Variants in MAF observed in about 807,000 individuals in gnomAD.
The protein encoded by MAF is MAF bZIP transcription factor.
Under a neutral mutation model 22.0 loss-of-function variants are expected in MAF, and 10 were observed. The observed-to-expected ratio is 0.45, with a 90% CI of 0.28 to 0.77. MAF has a LOEUF of 0.77. MAF is among the 30% of genes least tolerant of loss of function. The pLI is 0.12. For missense variants in MAF, 544 were observed against 548.4 expected (o/e 0.99, Z 0.08); for synonymous variants, 337 against 255.8 (o/e 1.32, Z -3.03).
the MAF span, among the ~76,000 whole-genome samples, chr16:79,221,022 G>A: frequency 2.0e-5 from 3 of 152,244 alleles, no homozygotes; most frequent in Non-Finnish European, 4.4e-5. Flanking sequence ...GCTGAATGCG[G>A]AAAGCAGAAA....
chr16:79,357,747 A>T, the MAF span, among the ~76,000 whole-genome samples: 2 of 151,504 alleles, frequency 1.3e-5, no homozygotes, highest in African/African-American at 4.9e-5. Context: ...TAGCATTTGG[A>T]TGAGGGAATG....
At chr16:79,582,907 A>AAGACC (rs1295346529), downstream of MAF, among the ~76,000 whole-genome samples, 8 of 152,238 alleles carry the variant, frequency 5.3e-5, no homozygotes. Flanking sequence ...AGATGGGGTC[A>AAGACC]AGACCAGCCA....
the MAF span, among the ~76,000 whole-genome samples, chr16:79,311,370 C>T: frequency 6.6e-6 from 1 of 151,976 alleles, no homozygotes; most frequent in African/African-American, 2.4e-5. Context: ...AAGCATCTGT[C>T]CAGCAGCCTT....
the MAF span, among the ~76,000 whole-genome samples, chr16:79,522,011 T>C: frequency 1.3e-4 from 20 of 151,858 alleles, no homozygotes; most frequent in African/African-American, 4.6e-4. Context: ...TGCAAGAAAA[T>C]GGAGTCACTG....
chr16:79,503,322 A>T, the MAF span, among the ~76,000 whole-genome samples: 1 of 152,198 alleles, frequency 6.6e-6, no homozygotes, highest in Non-Finnish European at 1.5e-5. Context: ...TACTAGCCAC[A>T]ACCACAAAGC....
the MAF span, among the ~76,000 whole-genome samples, chr16:79,300,832 C>T: frequency 6.6e-6 from 1 of 151,436 alleles, no homozygotes; most frequent in Non-Finnish European, 1.5e-5. Flanking sequence ...AGAGATTATT[C>T]AGAAGTCCAT....
At chr16:79,308,790 A>T in the MAF span, among the ~76,000 whole-genome samples, 1 of 152,166 alleles carries the variant, frequency 6.6e-6, no homozygotes, top group African/African-American at 2.4e-5. Context: ...AAAGTGGCAG[A>T]TCTAGGCACA....
the MAF span, among the ~76,000 whole-genome samples, chr16:79,429,032 G>A: frequency 6.6e-6 from 1 of 152,062 alleles, no homozygotes; most frequent in Non-Finnish European, 1.5e-5. Context: ...CCTTGGGCAA[G>A]CATGAGGCTA....
chr16:79,572,941 A>C, the MAF span, among the ~76,000 whole-genome samples: 1 of 152,236 alleles, frequency 6.6e-6, no homozygotes, highest in Non-Finnish European at 1.5e-5. Flanking sequence ...TACCCAATTT[A>C]AATGCTCACA....
At chr16:79,245,170 G>A in the MAF span, among the ~76,000 whole-genome samples, 1 of 151,994 alleles carries the variant, frequency 6.6e-6, no homozygotes, top group Non-Finnish European at 1.5e-5. Flanking sequence ...AAGACTTCAT[G>A]ATTAAAACAC....
the MAF span, among the ~76,000 whole-genome samples, chr16:79,482,541 G>C: frequency 6.6e-6 from 1 of 152,144 alleles, no homozygotes; most frequent in East Asian, 1.9e-4. Flanking sequence ...TGATGAGGAA[G>C]TCTCCAGTCC....
chr16:79,209,092 T>A, the MAF span, among the ~76,000 whole-genome samples: 46 of 152,294 alleles, frequency 3.0e-4, no homozygotes, highest in Non-Finnish European at 5.9e-4. Flanking sequence ...AGATGGTAAA[T>A]CACCCCAAGC....
chr16:79,493,736 A>C, the MAF span, among the ~76,000 whole-genome samples: 1 of 152,254 alleles, frequency 6.6e-6, no homozygotes, highest in Non-Finnish European at 1.5e-5. Context: ...TTGCATTATG[A>C]GTATGTGCAT....
At chr16:79,415,155 C>G in the MAF span, among the ~76,000 whole-genome samples, 1 of 152,058 alleles carries the variant, frequency 6.6e-6, no homozygotes, top group Non-Finnish European at 1.5e-5. Context: ...CGGATGAGCT[C>G]ACCCAAACAT....
At chr16:79,532,768 G>C in the MAF span, among the ~76,000 whole-genome samples, 7 of 152,158 alleles carry the variant, frequency 4.6e-5, no homozygotes, top group African/African-American at 1.2e-4. Flanking sequence ...CTAGAAGATA[G>C]ATAAAAATAA....
At chr16:79,580,755 T>C in the MAF span, among the ~76,000 whole-genome samples, 1 of 152,098 alleles carries the variant, frequency 6.6e-6, no homozygotes, top group South Asian at 2.1e-4. Context: ...ATGTAGCCTG[T>C]GCACTTTTCA....
At chr16:79,357,906 C>G in the MAF span, among the ~76,000 whole-genome samples, 82 of 152,222 alleles carry the variant, frequency 5.4e-4, no homozygotes, top group Non-Finnish European at 8.5e-4. Flanking sequence ...GCCAGCATCT[C>G]AGGGGCTAAC....
chr16:79,377,880 G>T, the MAF span, among the ~76,000 whole-genome samples: 5 of 152,036 alleles, frequency 3.3e-5, no homozygotes, highest in African/African-American at 1.2e-4. Flanking sequence ...CTGTTCCATT[G>T]GTCTATATCT....
At chr16:79,429,853 C>T in the MAF span, among the ~76,000 whole-genome samples, 1 of 152,186 alleles carries the variant, frequency 6.6e-6, no homozygotes, top group African/African-American at 2.4e-5. Flanking sequence ...TTCCCTCCAG[C>T]CTAACCCCCC....
Sources: gnomAD v4.1 joint callset for allele counts (sites outside exome capture counted in the v4.1 genomes callset) on GRCh38, gnomAD v4.1.1 for gene constraint, MANE v1.5 for transcripts, NCBI Gene and HGNC (gene_info 2026-07-23, HGNC 2026-07-21) for gene names.